Variants in MCM8 observed in about 807,000 individuals in gnomAD.
The protein encoded by MCM8 is minichromosome maintenance 8 homologous recombination repair factor.
In MCM8, 85 loss-of-function variants were observed where a neutral mutation model predicts 98.9. That is an observed-to-expected ratio of 0.86 (90% CI 0.72 to 1.03). The LOEUF is 1.03. Among genes scored for constraint, MCM8 ranks in the 50% least tolerant of loss-of-function variants. The pLI is 0.00. For missense variants in MCM8, 951 were observed against 997.8 expected (o/e 0.95, Z 0.63); for synonymous variants, 352 against 338.6 (o/e 1.04, Z -0.44).
chr20:5,993,612 C>A lies in MCM8; in HGVS notation c.2347C>A (p.Leu783Ile), dbSNP rs763354597. The A allele has an allele frequency of 1.9e-6, 3 of 1,612,608 alleles. No individual in the cohort carries two copies. Among genetic ancestry groups the A allele is most frequent in the Non-Finnish European group, 2.5e-6 (3 of 1,178,970 alleles). ...AACAGCGAAAAGATTTATTTCTGCT[C>A]TCAACAACGTTGCTGAAAGAACTTA... ...RSTAKRFISA[L>I]NNVAERTYNN... The change falls in exon 18 of 19, where the codon CTC becomes ATC. Residue 783 changes from leucine to isoleucine, a missense_variant. Leu to Ile is a conservative substitution (Grantham distance 5). Transcript: ENST00000610722.
chr20:5,983,668 C>G (rs2089674388), intron 14 of MCM8, among the ~76,000 whole-genome samples: 1 of 152,044 alleles, frequency 6.6e-6, no homozygotes, highest in African/African-American at 2.4e-5. Context: ...CCACCACACT[C>G]CAGCCTGGGT....
chr20:5,959,538 G>T lies in MCM8; in HGVS notation c.789+812G>T, dbSNP rs75437344. On this transcript the variant is annotated intron_variant, in intron 7 of 18. Coordinates refer to ENST00000610722, the MANE Select transcript of MCM8 (RefSeq NM_032485.6). ...AAATTCTTTCATTTTTACTATTGTG[G>T]AGTGTTGCTTTAAATAAATAGCCAC... Among the ~76,000 whole-genome samples, 252 of 152,152 alleles carry T rather than the reference G, an allele frequency of 1.7e-3. 5 individuals are homozygous for T. In the East Asian group the frequency reaches 0.038, roughly 23 times the overall value.
At chr20:5,980,253 T>G (rs2089602449) in intron 13 of MCM8, among the ~76,000 whole-genome samples, 1 of 152,124 alleles carries the variant, frequency 6.6e-6, no homozygotes, top group African/African-American at 2.4e-5. Flanking sequence ...CTTTTTACCT[T>G]CTATATTGTT....
chr20:5,953,438 GGTGTGTGT>G (rs11470045), intron 3 of MCM8, among the ~76,000 whole-genome samples: 28 of 146,288 alleles, frequency 1.9e-4, no homozygotes, highest in African/African-American at 5.1e-4. Context: ...TCTCATGAGG[GGTGTGTGT>G]GTGTGTGTGT....
chr20:5,987,376 AATTG>A lies in MCM8; in HGVS notation c.2240+19_2240+22del, dbSNP rs1266539549. ...AAATATAGGTAAGATAAAAATTTCA[AATTG>A]TTTTAAATGAAATACCAGTTATCTT... On this transcript the variant is annotated intron_variant, in intron 17 of 18. Coordinates refer to ENST00000610722, the MANE Select transcript of MCM8 (RefSeq NM_032485.6). 4 of 1,588,262 alleles carry A rather than the reference AATTG, an allele frequency of 2.5e-6. No homozygotes were observed. The African/African-American group carries it at 5.4e-5, about 22-fold the overall frequency.
intron 10 of MCM8, among the ~76,000 whole-genome samples, chr20:5,971,388 A>G (rs2089399438): frequency 1.3e-5 from 2 of 152,208 alleles, no homozygotes. Flanking sequence ...ATTCCTTTCT[A>G]TTGATCCCAG....
Position 5,997,408 on chromosome 20 carries a change from G to A in MCM8, c.*3017G>A, listed in dbSNP as rs367806040. 6.6e-6 allele frequency: 1 copy of A among 152,088 alleles called. No individual in the cohort carries two copies. Among genetic ancestry groups the A allele is most frequent in the African/African-American group, 2.4e-5 (1 of 41,386 alleles). The allele number at this position is 152,088 out of a possible 1,614,324, so 9.4% of individuals were successfully genotyped here. On this transcript the variant is annotated 3_prime_UTR_variant, in exon 19 of 19. Coordinates refer to ENST00000610722, the MANE Select transcript of MCM8 (RefSeq NM_032485.6). ...TTGGTGAGGCTGGTTTTTAACTCCCGAACTCAGGTGATTGCCTGCCTCGGT... is the reference window on the plus strand; with the variant it reads ...TTGGTGAGGCTGGTTTTTAACTCCCAAACTCAGGTGATTGCCTGCCTCGGT...
chr20:5,974,866 G>A (rs2089475620), intron 12 of MCM8, among the ~76,000 whole-genome samples: 1 of 152,066 alleles, frequency 6.6e-6, no homozygotes, highest in East Asian at 1.9e-4. Context: ...TGGCCATCTG[G>A]GGCTACTTTT....
chr20:5,991,247 C>T (rs563881552), intron 17 of MCM8: 119 of 152,182 alleles, frequency 7.8e-4, no homozygotes, highest in African/African-American at 2.7e-3. Flanking sequence ...CTATATTTAC[C>T]TTTTCAGTAA....
In MCM8 at chr20:5,984,977, A is replaced by C. The variant is rs1600300452; in HGVS notation, c.1930A>C (p.Lys644Gln). The C allele has an allele frequency of 1.2e-6, 2 of 1,613,972 alleles. No individual in the cohort carries two copies. Among genetic ancestry groups the C allele is most frequent in the Non-Finnish European group, 1.7e-6 (2 of 1,179,912 alleles). Residue 644 changes from lysine (K) to glutamine (Q), a missense_variant, in exon 15 of 19, where the codon AAG (lysine) becomes CAG (glutamine). Transcript: ENST00000610722. ...NTSVLEVVSE[K>Q]PLSERLKVVP... ...TTCCGTACTTGAAGTAGTTTCTGAGAAGCCATTATCAGAAAGACTAAAGGT... is the reference window on the plus strand; with the variant it reads ...TTCCGTACTTGAAGTAGTTTCTGAGCAGCCATTATCAGAAAGACTAAAGGT...
chr20:5,976,655 C>T (rs1166195150), intron 12 of MCM8, among the ~76,000 whole-genome samples: 2 of 152,172 alleles, frequency 1.3e-5, no homozygotes, highest in Non-Finnish European at 2.9e-5. Context: ...CTGCGCGTGC[C>T]CCCAGGAGCT....
At position 5,985,826 on chromosome 20, in the gene MCM8, G is replaced by A. The variant is rs1045990132; in HGVS notation, c.1954-96G>A. On this transcript the variant is annotated intron_variant, in intron 15 of 18. Transcript: ENST00000610722. Reference sequence around the variant, plus strand: ...CTCCCAAAGCGCAGGGATTACAGGCGTGAGCCACTGCACCTGGCCTAAACA... The same window carrying A: ...CTCCCAAAGCGCAGGGATTACAGGCATGAGCCACTGCACCTGGCCTAAACA... 231 of 1,236,574 alleles carry A rather than the reference G, an allele frequency of 1.9e-4. 1 individual carries two copies. Among genetic ancestry groups the A allele is most frequent in the Non-Finnish European group, 8.0e-5 (69 of 862,922 alleles). 76.6% of individuals were successfully genotyped at this position (1,236,574 alleles called of 1,614,324 possible).
At chr20:5,972,095 A>G (rs2089416359) in intron 11 of MCM8, 58 bp downstream of exon 11, 30 of 1,394,936 alleles carry the variant, frequency 2.2e-5, no homozygotes, top group Non-Finnish European at 3.0e-5. Flanking sequence ...AAAATAACAT[A>G]TAAAAACTTT....
chr20:5,965,330 C>G (rs942500356), intron 8 of MCM8: 7 of 152,200 alleles, frequency 4.6e-5, no homozygotes, highest in African/African-American at 1.7e-4. Context: ...AGCACATGCA[C>G]AAGCCTCTGT....
rs1374119713 is a variant in MCM8 at position 5,997,162 on chromosome 20, AAG to A, written c.*2772_*2773del. ...AAAGCAAGAAAACATTACATCATGAAAGTTTCTTTTTTTTTCTTTTTTCTTTT... is the reference window on the plus strand; with the variant it reads ...AAAGCAAGAAAACATTACATCATGAATTTCTTTTTTTTTCTTTTTTCTTTT... On this transcript the variant is annotated 3_prime_UTR_variant, in exon 19 of 19. Transcript: ENST00000610722. The A allele has an allele frequency of 1.3e-5, 2 of 157,084 alleles. No homozygotes were observed. The highest frequency in any genetic ancestry group is 4.9e-5 in the African/African-American group (2 of 41,214). The allele number at this position is 157,084 out of a possible 1,614,324, so 9.7% of individuals were successfully genotyped here. A position where few individuals can be genotyped will look rare whatever the true frequency, so the allele number is the denominator to read the frequency against.
At position 5,967,573 on chromosome 20, in the gene MCM8, C is replaced by T; in HGVS notation, c.1013C>T (p.Ser338Leu). The T allele has an allele frequency of 6.2e-7, 1 of 1,611,846 alleles. No individual in the cohort carries two copies. The highest frequency in any genetic ancestry group is 8.5e-7 in the Non-Finnish European group (1 of 1,178,492). The change falls in exon 9 of 19, where the codon TCA becomes TTA. Residue 338 changes from serine to leucine, a missense_variant. By Grantham distance (145) the Ser-to-Leu change is moderately radical. Coordinates refer to ENST00000610722, the MANE Select transcript of MCM8 (RefSeq NM_032485.6). ...ACTATTACTGGAATTGTCAAAGTCT[C>T]AAATGCGGAAGAAGGTAGGGTACAA... is the stretch of plus-strand genomic sequence containing the variant. ...TVTITGIVKV[S>L]NAEEGSRNKN...
chr20:5,985,157 C>G (rs2122805657), intron 15 of MCM8, among the ~76,000 whole-genome samples, 157 bp downstream of exon 15: 1 of 152,118 alleles, frequency 6.6e-6, no homozygotes, highest in East Asian at 1.9e-4. Flanking sequence ...CTGAAATAAT[C>G]CAAGTCGGCC....
In MCM8 at chr20:5,996,104, C is replaced by A. The variant is rs1273531409; in HGVS notation, c.*1713C>A. The A allele has an allele frequency of 1.3e-5, 2 of 152,206 alleles. No homozygotes were observed. The highest frequency in any genetic ancestry group is 1.9e-4 in the East Asian group (1 of 5,172). The allele number at this position is 152,206 out of a possible 1,614,324, so 9.4% of individuals were successfully genotyped here. ...GACCAGCCTATGCAACACATTGAGA[C>A]CCTATCTCTACAAAAAATAGATTAG... is the stretch of plus-strand genomic sequence containing the variant. On this transcript the variant is annotated 3_prime_UTR_variant, in exon 19 of 19. Coordinates refer to ENST00000610722, the MANE Select transcript of MCM8 (RefSeq NM_032485.6).
At chr20:5,982,270 T>C (rs1046816824) in intron 13 of MCM8, among the ~76,000 whole-genome samples, 3 of 152,188 alleles carry the variant, frequency 2.0e-5, no homozygotes, top group Non-Finnish European at 2.9e-5. Context: ...CATATACTCC[T>C]CTGTGCTAGT....
Sources: allele counts gnomAD v4.1 joint callset (sites outside exome capture counted in the v4.1 genomes callset), GRCh38; gene constraint gnomAD v4.1.1; transcripts MANE v1.5; gene names NCBI Gene and HGNC (gene_info 2026-07-23, HGNC 2026-07-21).